CDYL2: variants seen among roughly 807,000 people sequenced by gnomAD.
CDYL2 encodes chromodomain Y-like protein 2.
CDYL2 carries 23 observed loss-of-function variants against 49.4 expected under a neutral mutation model. The observed-to-expected ratio is 0.47, with a 90% CI of 0.34 to 0.66. The LOEUF (loss-of-function observed/expected upper bound fraction) is 0.66. CDYL2 is among the 30% of genes least tolerant of loss of function. The pLI, the probability that CDYL2 is intolerant of heterozygous loss-of-function variation, is 0.01. For synonymous variants in CDYL2, 360 were observed against 268.8 expected, an observed-to-expected ratio of 1.34 and a Z score of -3.32; for missense variants, 678 against 656.4, an observed-to-expected ratio of 1.03 and a Z score of -0.36.
At chr16:80,706,379 G>A (rs754396266) in intron 1 of CDYL2, among the ~76,000 whole-genome samples, 29 of 152,128 alleles carry the variant, frequency 1.9e-4, no homozygotes, top group East Asian at 1.9e-4. Context: ...TCAAGCTCTC[G>A]GAAACAAGAT....
At chr16:80,779,106 G>A (rs370139670) in intron 1 of CDYL2, among the ~76,000 whole-genome samples, 54 of 152,152 alleles carry the variant, frequency 3.5e-4, no homozygotes, top group African/African-American at 1.3e-3. Context: ...AGAAAAGAAG[G>A]AAGGAAGGAG....
At chr16:80,625,964 C>T (rs1192005746) in intron 3 of CDYL2, among the ~76,000 whole-genome samples, 1 of 152,030 alleles carries the variant, frequency 6.6e-6, no homozygotes, top group African/African-American at 2.4e-5. Context: ...GAAAAAGAAA[C>T]TATATTCAGA....
At chr16:80,748,752 C>T (rs1906027325) in intron 1 of CDYL2, among the ~76,000 whole-genome samples, 1 of 152,080 alleles carries the variant, frequency 6.6e-6, no homozygotes, top group East Asian at 1.9e-4. Context: ...ACCTCATCCT[C>T]ATCTCTACCC....
rs370942950 is a variant in CDYL2 at position 80,640,517 on chromosome 16, G to A, written c.617-7281C>T. On this transcript the variant is annotated intron_variant, in intron 2 of 6. Transcript: ENST00000570137. ...TTCCCATCTGTGGCGGCTACAGGGA[G>A]AGATAAATACCTGACTCTTCAATTC... 7.2e-5 allele frequency among the ~76,000 whole-genome samples: 11 copies of A among 152,186 alleles called. No individual in the cohort carries two copies. The East Asian group carries it at 2.1e-3, about 29-fold the overall frequency.
intron 5 of CDYL2, among the ~76,000 whole-genome samples, chr16:80,609,891 AACATAAACATAGTTTAGTCACTG>A: frequency 6.6e-6 from 1 of 152,280 alleles, no homozygotes; most frequent in Non-Finnish European, 1.5e-5. Context: ...TAAGAAAACG[AACATAAACATAGTTTAGTCACTG>A]ACGTGTGACT....
At chr16:80,712,358 G>A (rs1280897128) in intron 1 of CDYL2, among the ~76,000 whole-genome samples, 2 of 151,798 alleles carry the variant, frequency 1.3e-5, no homozygotes, top group Non-Finnish European at 2.9e-5. Context: ...AACTATCCCT[G>A]CCTGGTGTCC....
At chr16:80,757,553 A>AAATAT (rs1555535736) in intron 1 of CDYL2, among the ~76,000 whole-genome samples, 1 of 143,860 alleles carries the variant, frequency 7.0e-6, no homozygotes, top group African/African-American at 2.7e-5. Context: ...AAAAAAAAAA[A>AAATAT]ATATATATAT....
rs369162496 is a variant in CDYL2 at position 80,742,593 on chromosome 16, T to C, written c.25-57464A>G. ...ATATATAAATGGGTGAGTGGGTAGA[T>C]AGGTGGAGGATGGATGGAGAATGAA... On this transcript the variant is annotated intron_variant, in intron 1 of 6. Transcript: ENST00000570137. 4.0e-5 allele frequency among the ~76,000 whole-genome samples: 6 copies of C among 149,660 alleles called. 1 individual carries two copies. Among genetic ancestry groups the C allele is most frequent in the African/African-American group, 9.9e-5 (4 of 40,522 alleles).
At chr16:80,704,148 C>G (rs111305050) in intron 1 of CDYL2, among the ~76,000 whole-genome samples, 3 of 152,210 alleles carry the variant, frequency 2.0e-5, no homozygotes. Flanking sequence ...AACCAACTCC[C>G]TTCTTTCCTT....
intron 1 of CDYL2, among the ~76,000 whole-genome samples, chr16:80,712,358 G>T (rs1280897128): frequency 6.6e-6 from 1 of 151,798 alleles, no homozygotes; most frequent in Non-Finnish European, 1.5e-5. Context: ...AACTATCCCT[G>T]CCTGGTGTCC....
rs77224968 is a variant in CDYL2 at position 80,770,629 on chromosome 16, T to C, written c.24+33521A>G. On this transcript the variant is annotated intron_variant, in intron 1 of 6. Coordinates refer to ENST00000570137, the MANE Select transcript of CDYL2 (RefSeq NM_152342.4). ...ATTCAAAAATGGGGCAGATGTGCCA[T>C]AAAATAATTCATGATAAGCAAAGAT... Among the ~76,000 whole-genome samples, 1,060 of 152,286 alleles carry C rather than the reference T, an allele frequency of 7.0e-3. 8 individuals are homozygous for C. The highest frequency in any genetic ancestry group is 8.7e-3 in the Non-Finnish European group (593 of 68,018).
At chr16:80,778,136 C>T (rs1267391637) in intron 1 of CDYL2, among the ~76,000 whole-genome samples, 1 of 151,850 alleles carries the variant, frequency 6.6e-6, no homozygotes, top group African/African-American at 2.4e-5. Context: ...GAAGAAAAAA[C>T]AGTAAACTAG....
intron 1 of CDYL2, among the ~76,000 whole-genome samples, chr16:80,782,709 T>C (rs2142406510): frequency 6.6e-6 from 1 of 151,658 alleles, no homozygotes; most frequent in African/African-American, 2.4e-5. Flanking sequence ...AATCAATAAA[T>C]GTAATATGTC....
Position 80,767,296 on chromosome 16 carries a change from C to T in CDYL2, c.24+36854G>A, listed in dbSNP as rs371480957. Among the ~76,000 whole-genome samples the T allele has an allele frequency of 4.4e-4, 67 of 152,264 alleles. No individual in the cohort carries two copies. In the Middle Eastern group the frequency reaches 0.01, roughly 23 times the overall value. On this transcript the variant is annotated intron_variant, in intron 1 of 6. Transcript: ENST00000570137. The stretch of plus-strand genomic sequence containing the variant: ...ACAGAATTTTTCAAAGAAAAGTTCT[C>T]TGAAAATTTTCAAAGAAAAGTTCTC...
At chr16:80,672,191 T>C (rs1909539354) in intron 2 of CDYL2, among the ~76,000 whole-genome samples, 1 of 152,132 alleles carries the variant, frequency 6.6e-6, no homozygotes. Context: ...TATATCCTTC[T>C]GAAAACATAT....
intron 1 of CDYL2, among the ~76,000 whole-genome samples, chr16:80,736,038 T>A (rs1905512370): frequency 6.6e-6 from 1 of 152,200 alleles, no homozygotes; most frequent in African/African-American, 2.4e-5. Context: ...TCCCAGCTTG[T>A]CCTCAGTAAC....
chr16:80,705,153 A>T (rs769647693), intron 1 of CDYL2, among the ~76,000 whole-genome samples: 2 of 152,236 alleles, frequency 1.3e-5, no homozygotes, highest in Non-Finnish European at 2.9e-5. Flanking sequence ...CCACCAGGGC[A>T]GAAGGGAGCA....
chr16:80,741,990 G>A (rs1905753148), intron 1 of CDYL2: 1 of 152,190 alleles, frequency 6.6e-6, no homozygotes, highest in African/African-American at 2.4e-5. Flanking sequence ...ACCACGTTAT[G>A]GGAACCATGT....
chr16:80,663,026 G>A (rs555454762), intron 2 of CDYL2, among the ~76,000 whole-genome samples: 2 of 151,312 alleles, frequency 1.3e-5, no homozygotes, highest in Non-Finnish European at 1.5e-5. Context: ...ACCTACAGAA[G>A]TTCTTACCTC....
Sources: gnomAD v4.1 joint callset for allele counts (sites outside exome capture counted in the v4.1 genomes callset) on GRCh38, gnomAD v4.1.1 for gene constraint, MANE v1.5 for transcripts, NCBI Gene and HGNC (gene_info 2026-07-23, HGNC 2026-07-21) for gene names.